Variants in DAB1 observed in about 807,000 individuals in gnomAD.
The protein encoded by DAB1 is DAB adaptor protein 1, also known as disabled homolog 1.
A neutral mutation model predicts 64.6 loss-of-function variants in DAB1; 15 were observed. The observed-to-expected ratio is 0.23, with a 90% confidence interval of 0.16 to 0.36. The LOEUF is 0.36. Among genes scored for constraint, DAB1 ranks in the 10% least tolerant of loss-of-function variants. The pLI is 1.00. For missense variants in DAB1, 596 were observed against 706.7 expected, an observed-to-expected ratio of 0.84 and a Z score of 1.78; for synonymous variants, 235 against 251.9, an observed-to-expected ratio of 0.93 and a Z score of 0.64.
At chr1:57,994,998 G>A (rs368780460) in intron 5 of DAB1, among the ~76,000 whole-genome samples, 7 of 152,258 alleles carry the variant, frequency 4.6e-5, no homozygotes, top group African/African-American at 9.6e-5. Flanking sequence ...TGGTACAGCC[G>A]AAAGAACACT....
intron 7 of DAB1, among the ~76,000 whole-genome samples, chr1:57,530,565 T>A (rs766396222): frequency 6.6e-6 from 1 of 152,188 alleles, no homozygotes; most frequent in Admixed American, 6.5e-5. Flanking sequence ...ATCCAGTTAA[T>A]CTTCTCTGCT....
intron 4 of DAB1, among the ~76,000 whole-genome samples, chr1:58,258,283 C>G (rs775440985): frequency 7.2e-5 from 11 of 152,228 alleles, no homozygotes; most frequent in Non-Finnish European, 1.2e-4. Context: ...TTTACTCTGC[C>G]TCCCTACTGC....
intron 4 of DAB1, among the ~76,000 whole-genome samples, chr1:58,311,080 C>G (rs966492043): frequency 6.6e-6 from 1 of 152,074 alleles, no homozygotes; most frequent in African/African-American, 2.4e-5. Flanking sequence ...CAGGAATCTC[C>G]CAATTCTTCA....
chr1:58,295,739 G>A (rs1569613544), intron 4 of DAB1, among the ~76,000 whole-genome samples: 2 of 152,202 alleles, frequency 1.3e-5, no homozygotes, highest in East Asian at 3.9e-4. Context: ...ATGACTTAGA[G>A]ATTAAACACT....
chr1:57,606,127 C>T, intron 7 of DAB1: 1 of 438,570 alleles, frequency 2.3e-6, no homozygotes, highest in Non-Finnish European at 4.3e-6. Flanking sequence ...TTTTACACTG[C>T]AGCTCCTTAA....
intron 5 of DAB1, among the ~76,000 whole-genome samples, chr1:58,120,879 T>C (rs755651670): frequency 6.6e-6 from 1 of 152,206 alleles, no homozygotes; most frequent in Non-Finnish European, 1.5e-5. Flanking sequence ...AGGTGGCCTC[T>C]GTCTTTAATG....
intron 7 of DAB1, among the ~76,000 whole-genome samples, chr1:57,611,203 T>C (rs1200076405): frequency 7.1e-6 from 1 of 140,214 alleles, no homozygotes; most frequent in Non-Finnish European, 1.5e-5. Context: ...GCACCCGGCA[T>C]AGGCAGGTCT....
At chr1:57,695,402 AAG>A (rs1169060409) in intron 6 of DAB1, among the ~76,000 whole-genome samples, 2 of 83,624 alleles carry the variant, frequency 2.4e-5, no homozygotes, top group African/African-American at 3.8e-5. Context: ...GAAAGAAAGA[AAG>A]AAAGAAAGAA....
chr1:57,017,553 C>T (rs1195113791), intron 11 of DAB1, among the ~76,000 whole-genome samples: 1 of 152,196 alleles, frequency 6.6e-6, no homozygotes, highest in Non-Finnish European at 1.5e-5. Flanking sequence ...TCGCAAGGTG[C>T]CCATTTCCTC....
chr1:57,191,364 C>T (rs751361208), intron 2 of DAB1, among the ~76,000 whole-genome samples: 12 of 152,170 alleles, frequency 7.9e-5, no homozygotes, highest in Non-Finnish European at 1.2e-4. Context: ...TTTCAATGGA[C>T]TTAACCACTC....
At chr1:58,057,824 A>G (rs1309615860) in intron 5 of DAB1, among the ~76,000 whole-genome samples, 1 of 152,092 alleles carries the variant, frequency 6.6e-6, no homozygotes, top group East Asian at 1.9e-4. Context: ...CACAATGAAC[A>G]CGGTCTTTCT....
At chr1:57,866,699 C>G (rs1363700170) in intron 1 of DAB1, among the ~76,000 whole-genome samples, 2 of 152,164 alleles carry the variant, frequency 1.3e-5, no homozygotes, top group Admixed American at 6.5e-5. Flanking sequence ...AGTGTCTGCA[C>G]AGAGGAAGCA....
At chr1:58,227,460 C>T (rs1659551177) in intron 4 of DAB1, among the ~76,000 whole-genome samples, 1 of 152,080 alleles carries the variant, frequency 6.6e-6, no homozygotes, top group Middle Eastern at 3.2e-3. Flanking sequence ...AAAGGGGAGC[C>T]TTAATAAAAT....
At chr1:57,342,638 G>A (rs1022857510) in intron 1 of DAB1, among the ~76,000 whole-genome samples, 5 of 152,180 alleles carry the variant, frequency 3.3e-5, no homozygotes, top group East Asian at 1.9e-4. Context: ...ATGAAGACGC[G>A]GACCCTGGCA....
intron 8 of DAB1, among the ~76,000 whole-genome samples, 162 bp from the exon 9 acceptor site, chr1:57,063,105 G>C (rs970833017): frequency 4.6e-5 from 7 of 152,136 alleles, no homozygotes; most frequent in Admixed American, 4.6e-4. Context: ...ATCAAGCCAG[G>C]CTCCCTCCCT....
intron 4 of DAB1, among the ~76,000 whole-genome samples, chr1:57,107,428 G>T (rs1171562808): frequency 6.7e-6 from 1 of 148,876 alleles, no homozygotes; most frequent in Non-Finnish European, 1.5e-5. Context: ...ACATAATATA[G>T]AGTGCTGCCT....
At chr1:58,013,777 T>C (rs1280482925) in intron 5 of DAB1, among the ~76,000 whole-genome samples, 130 of 152,224 alleles carry the variant, frequency 8.5e-4, no homozygotes, top group Non-Finnish European at 1.5e-4. Flanking sequence ...CAAGTCTTCA[T>C]TCTGTGATGT....
In DAB1 at chr1:58,356,416, C is replaced by G. The variant is rs192152607; in HGVS notation, n.258-13013G>C. On this transcript the variant is annotated intron_variant and non_coding_transcript_variant, in intron 3 of 20. Coordinates refer to the DAB1 transcript ENST00000485760. ...ATATACATGCATACATAATAACAAA[C>G]AAACAATACAAAGTCAGTGTTGTGT... Among the ~76,000 whole-genome samples, 48 of 152,240 alleles carry G rather than the reference C, an allele frequency of 3.2e-4. 1 individual carries two copies. Among genetic ancestry groups the G allele is most frequent in the Admixed American group, 2.1e-3 (32 of 15,296 alleles).
intron 7 of DAB1, among the ~76,000 whole-genome samples, chr1:57,441,352 TTTCTTTC>T (rs1307923446): frequency 1.1e-4 from 17 of 151,686 alleles, no homozygotes; most frequent in African/African-American, 3.9e-4. Context: ...TCTTTCTTTT[TTTCTTTC>T]TTCTTTCTTT....
Sources: gnomAD v4.1 joint callset for allele counts (sites outside exome capture counted in the v4.1 genomes callset) on GRCh38, gnomAD v4.1.1 for gene constraint, MANE v1.5 for transcripts, NCBI Gene and HGNC (gene_info 2026-07-23, HGNC 2026-07-21) for gene names.